The following ATXN7L1 variants were observed in gnomAD, a reference collection of about 807,000 sequenced individuals.
The protein encoded by ATXN7L1 is ataxin 7 like 1.
A neutral mutation model predicts 70.8 loss-of-function variants in ATXN7L1; 15 were observed. The observed-to-expected ratio is 0.21, with a 90% CI of 0.14 to 0.33. The LOEUF (loss-of-function observed/expected upper bound fraction) is 0.33, where lower values mean the gene tolerates loss of function less well. Ranked by LOEUF, ATXN7L1 falls within the 10% of genes least tolerant of loss-of-function variation. The pLI is 1.00. For missense variants in ATXN7L1, 975 were observed against 1,097.1 expected, an observed-to-expected ratio of 0.89 and a Z score of 1.57; for synonymous variants, 440 against 445.1, an observed-to-expected ratio of 0.99 and a Z score of 0.14.
chr7:105,638,645 G>A, intron 6 of ATXN7L1, 36 bp from the exon 7 acceptor site: 1 of 1,528,848 alleles, frequency 6.5e-7, no homozygotes, highest in Non-Finnish European at 8.8e-7. Context: ...CAGCCTCTTT[G>A]ATCAGCACAT....
intron 3 of ATXN7L1, among the ~76,000 whole-genome samples, chr7:105,698,030 A>G (rs138010173): frequency 8.7e-4 from 132 of 152,326 alleles, no homozygotes; most frequent in African/African-American, 3.0e-3. Flanking sequence ...TGGAGCCAAC[A>G]CAGGATGGAG....
intron 3 of ATXN7L1, among the ~76,000 whole-genome samples, chr7:105,727,108 G>A (rs1795903091): frequency 6.6e-6 from 1 of 152,100 alleles, no homozygotes; most frequent in African/African-American, 2.4e-5. Context: ...TTTTTCCAGG[G>A]TGAGTATACC....
At chr7:105,740,926 G>A (rs1182312548) in intron 3 of ATXN7L1, among the ~76,000 whole-genome samples, 1 of 151,854 alleles carries the variant, frequency 6.6e-6, no homozygotes, top group Non-Finnish European at 1.5e-5. Context: ...CACCACGCCT[G>A]GCTAATTTTT....
In ATXN7L1 at chr7:105,709,532, T is replaced by A. The variant is rs557484388; in HGVS notation, c.356-44244A>T. Among the ~76,000 whole-genome samples the A allele has an allele frequency of 4.9e-4, 74 of 152,004 alleles. No homozygotes were observed. The South Asian group carries it at 0.015, about 31-fold the overall frequency. On this transcript the variant is annotated intron_variant, in intron 3 of 11. Coordinates refer to ENST00000419735, the MANE Select transcript of ATXN7L1 (RefSeq NM_020725.2). ...CACCTCTTTTGTCTGGCTCTTACAA[T>A]CCAGACCACTAGACCCCTTCCCTAA...
intron 4 of ATXN7L1, among the ~76,000 whole-genome samples, chr7:105,656,611 C>T (rs1406076706): frequency 1.4e-5 from 2 of 143,180 alleles, no homozygotes; most frequent in Non-Finnish European, 3.0e-5. Context: ...CGCTCTGTCA[C>T]CCACACTGGA....
intron 3 of ATXN7L1, among the ~76,000 whole-genome samples, chr7:105,734,424 C>T (rs1427451034): frequency 2.0e-5 from 3 of 152,236 alleles, no homozygotes; most frequent in Admixed American, 6.5e-5. Context: ...GGCCAATCTG[C>T]CATCACTCAG....
chr7:105,626,286 A>T (rs1406888659), intron 7 of ATXN7L1, among the ~76,000 whole-genome samples: 1 of 152,222 alleles, frequency 6.6e-6, no homozygotes, highest in Admixed American at 6.5e-5. Context: ...ACAAAGGACA[A>T]ATATTGGATG....
At chr7:105,795,286 G>A (rs777337915) in intron 2 of ATXN7L1, among the ~76,000 whole-genome samples, 12 of 152,336 alleles carry the variant, frequency 7.9e-5, no homozygotes, top group Admixed American at 2.0e-4. Flanking sequence ...TGGGAGCAGC[G>A]TTTTATTCCA....
chr7:105,731,717 G>A (rs979559587), intron 3 of ATXN7L1, among the ~76,000 whole-genome samples: 2 of 78,838 alleles, frequency 2.5e-5, no homozygotes, highest in Admixed American at 1.4e-4. Flanking sequence ...TTATAGGCGT[G>A]AGCCACTGCA....
At position 105,620,187 on chromosome 7, in the gene ATXN7L1, G is replaced by A; in HGVS notation, c.1517+13C>T. 6.4e-7 allele frequency: 1 copy of A among 1,550,840 alleles called. No individual in the cohort carries two copies. The highest frequency in any genetic ancestry group is 8.7e-7 in the Non-Finnish European group (1 of 1,146,472). On this transcript the variant is annotated intron_variant, in intron 9 of 11. Transcript: ENST00000419735. ...AGCTTGGATCTTATATTGCACAAAA[G>A]CTGCTCACTTACTTCCACATCTGTG...
chr7:105,805,239 G>T (rs185698235), intron 2 of ATXN7L1, among the ~76,000 whole-genome samples: 1 of 152,360 alleles, frequency 6.6e-6, no homozygotes, highest in Admixed American at 6.5e-5. Context: ...TCTGGCTAAG[G>T]TGCCAAGGGC....
intron 2 of ATXN7L1, among the ~76,000 whole-genome samples, chr7:105,795,369 A>G (rs1296606317): frequency 3.3e-5 from 5 of 152,248 alleles, no homozygotes; most frequent in Admixed American, 6.5e-5. Context: ...TTTATATCCA[A>G]TATTCACTTT....
chr7:105,801,375 C>T (rs1037989384), intron 2 of ATXN7L1, among the ~76,000 whole-genome samples: 1 of 152,084 alleles, frequency 6.6e-6, no homozygotes, highest in Non-Finnish European at 1.5e-5. Context: ...ATGACTAGAC[C>T]CCATCTCAGA....
At chr7:105,729,375 A>G (rs1020530283) in intron 3 of ATXN7L1, among the ~76,000 whole-genome samples, 1 of 152,092 alleles carries the variant, frequency 6.6e-6, no homozygotes, top group South Asian at 2.1e-4. Context: ...GAAAAATTCC[A>G]AATAATATAT....
chr7:105,722,855 A>G (rs1463546622), intron 3 of ATXN7L1, among the ~76,000 whole-genome samples: 1 of 152,152 alleles, frequency 6.6e-6, no homozygotes, highest in Non-Finnish European at 1.5e-5. Context: ...ACTGCATTCC[A>G]GCCTGGGCGA....
rs545440774 is a variant in ATXN7L1, at chr7:105,684,414, G to T, written c.356-19126C>A. On this transcript the variant is annotated intron_variant, in intron 3 of 11. Coordinates refer to ENST00000419735, the MANE Select transcript of ATXN7L1 (RefSeq NM_020725.2). ...TCTTCACAGACCATGGAACTCAGAA[G>T]GGAGAGCATTACAGATGGGGTCTGA... 6.6e-5 allele frequency among the ~76,000 whole-genome samples: 10 copies of T among 152,314 alleles called. 1 individual carries two copies. In the South Asian group the frequency reaches 2.1e-3, roughly 32 times the overall value.
intron 7 of ATXN7L1, among the ~76,000 whole-genome samples, chr7:105,631,774 A>C (rs1041831571): frequency 6.6e-6 from 1 of 152,198 alleles, no homozygotes; most frequent in Non-Finnish European, 1.5e-5. Flanking sequence ...GCCAATGACA[A>C]TAAACTTGCT....
At chr7:105,740,371 C>T (rs1050109379) in intron 3 of ATXN7L1, among the ~76,000 whole-genome samples, 10 of 152,176 alleles carry the variant, frequency 6.6e-5, no homozygotes, top group Non-Finnish European at 1.3e-4. Context: ...AGTTTAGTGA[C>T]GATCACAGAG....
intron 3 of ATXN7L1, among the ~76,000 whole-genome samples, chr7:105,741,104 C>T (rs916285855): frequency 2.6e-5 from 4 of 152,070 alleles, no homozygotes; most frequent in African/African-American, 9.7e-5. Flanking sequence ...CAGTGAGAAC[C>T]CTAAGCCCCA....
Sources: allele counts gnomAD v4.1 joint callset (sites outside exome capture counted in the v4.1 genomes callset), GRCh38; gene constraint gnomAD v4.1.1; transcripts MANE v1.5; gene names NCBI Gene and HGNC (gene_info 2026-07-23, HGNC 2026-07-21).